The following SULT2B1 variants were observed in gnomAD, a reference collection of about 807,000 sequenced individuals.
SULT2B1 encodes the protein sulfotransferase family 2B member 1, also known as sulfotransferase 2B1.
Under a neutral mutation model 33.2 loss-of-function variants are expected in SULT2B1, and 16 were observed. The observed-to-expected ratio is 0.48, with a 90% confidence interval of 0.33 to 0.73. The LOEUF is 0.73. SULT2B1 is among the 30% of genes least tolerant of loss of function. SULT2B1 has a pLI of 0.02. For missense variants in SULT2B1, 500 were observed against 506.0 expected (o/e 0.99, Z 0.11); for synonymous variants, 186 against 200.5 (o/e 0.93, Z 0.61).
rs752324527 is a variant in SULT2B1 at position 48,575,950 on chromosome 19, G to A, written c.81G>A (p.Leu27=). 6 of 1,612,544 alleles carry A rather than the reference G, an allele frequency of 3.7e-6. No individual in the cohort carries two copies. The East Asian group carries it at 1.3e-4, about 36-fold the overall frequency. Residue 27 remains leucine, a synonymous_variant, in exon 2 of 7, where the codon TTG becomes TTA. Coordinates refer to ENST00000201586, the MANE Select transcript of SULT2B1 (RefSeq NM_177973.2). ...EDDISEISQK[L]PGEYFRYKGV... The stretch of plus-strand genomic sequence containing the variant: ...CCCCACCTTTCCACAGCCAGAAGTT[G>A]CCAGGTGAATACTTCCGGTACAAGG...
At chr19:48,559,092 G>A (rs571868327) in intron 1 of SULT2B1, among the ~76,000 whole-genome samples, 1 of 152,244 alleles carries the variant, frequency 6.6e-6, no homozygotes, top group Non-Finnish European at 1.5e-5. Context: ...AGACTAGGGA[G>A]AGGGGCTTCG....
At chr19:48,587,153 T>C in intron 2 of SULT2B1, 76 bp from the exon 3 acceptor site, 1 of 1,065,176 alleles carries the variant, frequency 9.4e-7, no homozygotes, top group East Asian at 2.4e-5. Context: ...CAATAAGTGC[T>C]GTTGTGATTA....
At chr19:48,572,491 G>A (rs1403505570) in intron 1 of SULT2B1, among the ~76,000 whole-genome samples, 1 of 150,268 alleles carries the variant, frequency 6.7e-6, no homozygotes, top group Non-Finnish European at 1.5e-5. Flanking sequence ...TATAGCCTGG[G>A]CAACAGAGCA....
rs757436486 is a variant in SULT2B1, at chr19:48,587,299, G to A, written c.285G>A (p.Val95=). 2.1e-5 allele frequency: 34 copies of A among 1,613,940 alleles called. No individual in the cohort carries two copies. Among genetic ancestry groups the A allele is most frequent in the Non-Finnish European group, 2.4e-5 (28 of 1,180,020 alleles). ...GGGATCCATCCTGGATCCGCTCCGT[G>A]CCCATCTGGGAGCGGGCACCCTGGT... is the stretch of plus-strand genomic sequence containing the variant. The part of the protein sequence containing the change: ...KEGDPSWIRS[V]PIWERAPWCE... Residue 95 remains valine, a synonymous_variant, in exon 3 of 7, where the codon GTG becomes GTA. Transcript: ENST00000201586.
At chr19:48,573,436 G>A (rs1016986106) in intron 1 of SULT2B1, among the ~76,000 whole-genome samples, 1 of 152,086 alleles carries the variant, frequency 6.6e-6, no homozygotes, top group Admixed American at 6.6e-5. Context: ...GTTCGTCCCG[G>A]GGCCAGATTT....
At chr19:48,573,349 G>A (rs951012711) in intron 1 of SULT2B1, among the ~76,000 whole-genome samples, 2 of 151,876 alleles carry the variant, frequency 1.3e-5, no homozygotes, top group Non-Finnish European at 2.9e-5. Flanking sequence ...CAAATCGAGC[G>A]ATATCAGCAC....
At chr19:48,580,670 T>C (rs1250427487) in intron 2 of SULT2B1, among the ~76,000 whole-genome samples, 2 of 152,084 alleles carry the variant, frequency 1.3e-5, no homozygotes, top group East Asian at 3.8e-4. Context: ...AGACAAGGTC[T>C]TGCTCGGTTG....
chr19:48,567,520 C>T (rs1273513298), intron 1 of SULT2B1, among the ~76,000 whole-genome samples: 1 of 152,012 alleles, frequency 6.6e-6, no homozygotes, highest in East Asian at 1.9e-4. Flanking sequence ...TAAGATCATG[C>T]CTGGGCGACA....
At chr19:48,558,962 A>G (rs1973140514) in intron 1 of SULT2B1, among the ~76,000 whole-genome samples, 3 of 152,074 alleles carry the variant, frequency 2.0e-5, no homozygotes. Context: ...CTGGGATTAC[A>G]GGTGTGAGCC....
At chr19:48,592,619 AC>A in intron 4 of SULT2B1, 102 bp from the exon 5 acceptor site, 1 of 985,624 alleles carries the variant, frequency 1.0e-6, no homozygotes, top group East Asian at 2.6e-5. Context: ...TGGGGGCTGG[AC>A]CTGGGGGTTT....
At chr19:48,588,254 T>TGTACTCCCAGCACTTGGGAA (rs896383769) in intron 3 of SULT2B1, among the ~76,000 whole-genome samples, 11 of 151,358 alleles carry the variant, frequency 7.3e-5, no homozygotes, top group African/African-American at 2.7e-4. Flanking sequence ...GGCTCACGTT[T>TGTACTCCCAGCACTTGGGAA]GTACTCCCAG....
intron 1 of SULT2B1, among the ~76,000 whole-genome samples, chr19:48,568,303 G>T (rs1973270757): frequency 6.9e-6 from 1 of 144,732 alleles, no homozygotes; most frequent in East Asian, 1.9e-4. Context: ...AAAAAAAAAA[G>T]TATTAAAAAG....
chr19:48,563,989 G>A (rs993738336), intron 1 of SULT2B1, among the ~76,000 whole-genome samples: 2 of 148,448 alleles, frequency 1.3e-5, no homozygotes, highest in African/African-American at 2.5e-5. Flanking sequence ...AGAAGAGGAA[G>A]AAGAAGAAGA....
chr19:48,556,588 G>T (rs1398149054), intron 1 of SULT2B1, among the ~76,000 whole-genome samples: 1 of 151,734 alleles, frequency 6.6e-6, no homozygotes, highest in Non-Finnish European at 1.5e-5. Flanking sequence ...CTCTCAAATG[G>T]TTCGTTTTTT....
At position 48,597,964 on chromosome 19, in the gene SULT2B1, C is replaced by T. The variant is rs142189538; in HGVS notation, c.826+1045C>T. ...AAGCATCTTCTAATCTCTGACCCTCCTCCCTTCTATAGGGACCCAGGTGAT... is the reference window on the plus strand; with the variant it reads ...AAGCATCTTCTAATCTCTGACCCTCTTCCCTTCTATAGGGACCCAGGTGAT... On this transcript the variant is annotated intron_variant, in intron 6 of 6. Transcript: ENST00000201586. Among the ~76,000 whole-genome samples, 29 of 152,240 alleles carry T rather than the reference C, an allele frequency of 1.9e-4. No homozygotes were observed. In the East Asian group the frequency reaches 5.6e-3, roughly 29 times the overall value.
chr19:48,588,984 G>C (rs900235812), intron 3 of SULT2B1, among the ~76,000 whole-genome samples: 4 of 152,226 alleles, frequency 2.6e-5, no homozygotes, highest in African/African-American at 9.6e-5. Context: ...GTGCGGACTT[G>C]AGCTCTGACC....
At chr19:48,572,411 G>T (rs1355411480) in intron 1 of SULT2B1, among the ~76,000 whole-genome samples, 19 of 152,184 alleles carry the variant, frequency 1.2e-4, no homozygotes, top group Non-Finnish European at 1.5e-5. Context: ...TACTAGGGAG[G>T]CTGAGGCAGG....
At chr19:48,576,464 T>C (rs1973412124) in intron 2 of SULT2B1, among the ~76,000 whole-genome samples, 1 of 144,674 alleles carries the variant, frequency 6.9e-6, no homozygotes, top group Non-Finnish European at 1.5e-5. Context: ...CCCAAAGTGC[T>C]GGGATTACAG....
chr19:48,577,771 G>T (rs1314247930), intron 2 of SULT2B1, among the ~76,000 whole-genome samples: 3 of 152,080 alleles, frequency 2.0e-5, no homozygotes, highest in Admixed American at 2.0e-4. Context: ...TATGTGCCAG[G>T]CAGTGTTCTA....
Sources: allele counts gnomAD v4.1 joint callset (sites outside exome capture counted in the v4.1 genomes callset), GRCh38; gene constraint gnomAD v4.1.1; transcripts MANE v1.5; gene names NCBI Gene and HGNC (gene_info 2026-07-23, HGNC 2026-07-21).